Variants in MCFD2 observed in about 807,000 individuals in gnomAD.
The protein encoded by MCFD2 is multiple coagulation factor deficiency 2, ER cargo receptor complex subunit.
In MCFD2, 11 loss-of-function variants were observed where a neutral mutation model predicts 12.8. The observed-to-expected ratio is 0.86, with a 90% CI of 0.54 to 1.42. The LOEUF is 1.42. Among genes scored for constraint, MCFD2 ranks in the 40% most tolerant of loss-of-function variants. MCFD2 has a pLI of 0.00. For synonymous variants in MCFD2, 70 were observed against 68.1 expected (o/e 1.03, Z -0.14); for missense variants, 191 against 178.6 (o/e 1.07, Z -0.40).
chr2:46,936,212 C>T (rs1231019352), intron 1 of MCFD2, among the ~76,000 whole-genome samples: 1 of 152,152 alleles, frequency 6.6e-6, no homozygotes, highest in Non-Finnish European at 1.5e-5. Flanking sequence ...AAATCTTTTC[C>T]CCCTTGTGGA....
At chr2:46,911,940 C>G (rs1187055366) in intron 1 of MCFD2, among the ~76,000 whole-genome samples, 1 of 152,250 alleles carries the variant, frequency 6.6e-6, no homozygotes, top group East Asian at 1.9e-4. Context: ...TGTCCCAATA[C>G]TATATGGATC....
rs1670366309 is a variant in MCFD2 at position 46,941,454 on chromosome 2, C to T, written c.-8+118G>A. 3.5e-6 allele frequency: 5 copies of T among 1,414,640 alleles called. No individual in the cohort carries two copies. The highest frequency in any genetic ancestry group is 3.0e-5 in the African/African-American group (2 of 67,084). 87.6% of individuals were successfully genotyped at this position (1,414,640 alleles called of 1,614,324 possible). A position where few individuals can be genotyped will look rare whatever the true frequency, so the allele number is the denominator to read the frequency against. On this transcript the variant is annotated intron_variant, in intron 1 of 2. Transcript: ENST00000409147. The surrounding 1 kb of genome is among the most constrained non-coding windows in gnomAD (Gnocchi z 4.2). Reference sequence around the variant, plus strand: ...CTGCCGTCTGCGCCCCCGTCGACCCCGCCCGCGAGTGCGCCCCAGCCAGGA... The same window carrying T: ...CTGCCGTCTGCGCCCCCGTCGACCCTGCCCGCGAGTGCGCCCCAGCCAGGA...
rs1670051818 is a variant in MCFD2, at chr2:46,937,741, C to G, written c.-8+3831G>C. Among the ~76,000 whole-genome samples, 1 of 152,188 alleles carries G rather than the reference C, an allele frequency of 6.6e-6. No homozygotes were observed. Among genetic ancestry groups the G allele is most frequent in the African/African-American group, 2.4e-5 (1 of 41,436 alleles). On this transcript the variant is annotated intron_variant, in intron 1 of 2. Transcript: ENST00000409147. The surrounding 1 kb of genome is among the most constrained non-coding windows in gnomAD (Gnocchi z 4.0). ...GCACGAGCTGCCATGCCTGGCCCAA[C>G]AGTGATTTCAAAGGCCATGGATTGC...
rs1572610774 is a variant in MCFD2 at position 46,908,514 on chromosome 2, T to C, written c.149+509A>G. On this transcript the variant is annotated intron_variant, in intron 2 of 3. Coordinates refer to ENST00000319466, the MANE Select transcript of MCFD2 (RefSeq NM_139279.6). The surrounding 1 kb of genome is among the most constrained non-coding windows in gnomAD (Gnocchi z 4.5). ...CCTGGGCTCAAGTAATCCACCTGCCTCAGCCTCCCAAAGCACTGGGATTAC... is the reference window on the plus strand; with the variant it reads ...CCTGGGCTCAAGTAATCCACCTGCCCCAGCCTCCCAAAGCACTGGGATTAC... 7.7e-6 allele frequency: 2 copies of C among 258,560 alleles called. No homozygotes were observed. The highest frequency in any genetic ancestry group is 7.5e-6 in the Non-Finnish European group (1 of 132,810). The allele number at this position is 258,560 out of a possible 1,614,324, so 16.0% of individuals were successfully genotyped here. A position where few individuals can be genotyped will look rare whatever the true frequency, so the allele number is the denominator to read the frequency against.
At chr2:46,923,291 G>A (rs996289137) in intron 1 of MCFD2, among the ~76,000 whole-genome samples, 3 of 152,036 alleles carry the variant, frequency 2.0e-5, no homozygotes, top group Non-Finnish European at 2.9e-5. Flanking sequence ...CCTGGAGGTT[G>A]GAGGTGGGGC....
Position 46,908,807 on chromosome 2 carries a change from C to T in MCFD2, c.149+216G>A, listed in dbSNP as rs562866989. On this transcript the variant is annotated intron_variant, in intron 2 of 3. Coordinates refer to ENST00000319466, the MANE Select transcript of MCFD2 (RefSeq NM_139279.6). The surrounding 1 kb of genome is among the most constrained non-coding windows in gnomAD (Gnocchi z 4.5). ...AGACCGGATTCAGACAAGTAATGTG[C>T]CCCATTTGGGCCTAAAGATCTTCCA... The T allele has an allele frequency of 6.5e-6, 4 of 618,092 alleles. No homozygotes were observed. Among genetic ancestry groups the T allele is most frequent in the African/African-American group, 3.7e-5 (2 of 54,350 alleles). 38.3% of individuals were successfully genotyped at this position (618,092 alleles called of 1,614,324 possible). A position where few individuals can be genotyped will look rare whatever the true frequency, so the allele number is the denominator to read the frequency against.
intron 1 of MCFD2, among the ~76,000 whole-genome samples, chr2:46,925,773 G>A (rs548015771): frequency 1.3e-5 from 2 of 152,218 alleles, no homozygotes; most frequent in Admixed American, 6.5e-5. Flanking sequence ...GTTAACCCCC[G>A]TTGAAAGGGA....
intron 1 of MCFD2, among the ~76,000 whole-genome samples, chr2:46,927,898 T>G (rs1246561652): frequency 2.3e-5 from 3 of 132,908 alleles, no homozygotes; most frequent in Admixed American, 7.5e-5. Context: ...TTTTTTTTTT[T>G]TTTTTTTTTT....
chr2:46,928,496 GTGT>G (rs1669524159), intron 1 of MCFD2, among the ~76,000 whole-genome samples: 1 of 148,898 alleles, frequency 6.7e-6, no homozygotes, highest in Non-Finnish European at 1.5e-5. Context: ...CTTGGGCCAT[GTGT>G]GGTGGCTCAC....
chr2:46,909,154 C>T lies in MCFD2; in HGVS notation c.18G>A (p.Leu6=). The change falls in exon 2 of 4, where the codon CTG becomes CTA. Residue 6 remains leucine (L), a synonymous_variant. Coordinates refer to ENST00000319466, the MANE Select transcript of MCFD2 (RefSeq NM_139279.6). MTMRS[L]LRTPFLCGLL... ...GGCCACACAGGAAGGGGGTTCTGAG[C>T]AGGGATCTCATGGTCATCAATATCT... The T allele has an allele frequency of 6.2e-7, 1 of 1,614,056 alleles. No individual in the cohort carries two copies. Among genetic ancestry groups the T allele is most frequent in the South Asian group, 1.1e-5 (1 of 91,066 alleles).
At chr2:46,919,580 C>T (rs1408983472), upstream of MCFD2, among the ~76,000 whole-genome samples, 3 of 152,218 alleles carry the variant, frequency 2.0e-5, no homozygotes, top group African/African-American at 4.8e-5. Flanking sequence ...GATTACTATA[C>T]ATGAAATTGA....
At chr2:46,917,035 G>T, upstream of MCFD2, 1 of 578,908 alleles carries the variant, frequency 1.7e-6, no homozygotes, top group Non-Finnish European at 3.1e-6. Context: ...CAAAGAAAGT[G>T]GCTAAGTAGT....
At chr2:46,919,410 G>A (rs1668984263), upstream of MCFD2, among the ~76,000 whole-genome samples, 1 of 152,142 alleles carries the variant, frequency 6.6e-6, no homozygotes, top group Non-Finnish European at 1.5e-5. Context: ...ACGCATGCTT[G>A]TAATCCCAGA....
intron 1 of MCFD2, among the ~76,000 whole-genome samples, chr2:46,915,126 T>A (rs1304643381): frequency 6.6e-6 from 1 of 152,074 alleles, no homozygotes; most frequent in Non-Finnish European, 1.5e-5. Flanking sequence ...ACCGAGGTAG[T>A]CCAGAGAAGA....
rs1668107390 is a variant in MCFD2, at chr2:46,903,831, C to T, written c.*1632G>A. On this transcript the variant is annotated 3_prime_UTR_variant, in exon 4 of 4. Coordinates refer to ENST00000319466, the MANE Select transcript of MCFD2 (RefSeq NM_139279.6). ...TTTGGAAATTTGCAGCCTGACTATG[C>T]AATAGAAAAGAAAAACCCATTTTCT... 6.6e-6 allele frequency: 1 copy of T among 152,104 alleles called. No individual in the cohort carries two copies. The highest frequency in any genetic ancestry group is 1.5e-5 in the Non-Finnish European group (1 of 68,004). 9.4% of individuals were successfully genotyped at this position (152,104 alleles called of 1,614,324 possible).
chr2:46,922,968 C>T (rs990369983), intron 1 of MCFD2, among the ~76,000 whole-genome samples: 1 of 152,208 alleles, frequency 6.6e-6, no homozygotes, highest in African/African-American at 2.4e-5. Flanking sequence ...CCAAGACCCC[C>T]TCTTTATTAC....
At position 46,905,339 on chromosome 2, in the gene MCFD2, G is replaced by A. The variant is rs1375016527; in HGVS notation, c.*124C>T. On this transcript the variant is annotated 3_prime_UTR_variant, in exon 4 of 4. Transcript: ENST00000319466. ...TCTTCTCACCCCAGTGTAACGAATC[G>A]CTACAGGTTTTTACCAAAATGCTGC... 15 of 1,041,660 alleles carry A rather than the reference G, an allele frequency of 1.4e-5. 1 individual carries two copies. Among genetic ancestry groups the A allele is most frequent in the South Asian group, 1.1e-4 (9 of 78,518 alleles). The allele number at this position is 1,041,660 out of a possible 1,614,324, so 64.5% of individuals were successfully genotyped here. A position where few individuals can be genotyped will look rare whatever the true frequency, so the allele number is the denominator to read the frequency against.
At chr2:46,920,497 T>C (rs1273271020), upstream of MCFD2, among the ~76,000 whole-genome samples, 1 of 151,802 alleles carries the variant, frequency 6.6e-6, no homozygotes, top group East Asian at 1.9e-4. Flanking sequence ...GCCCAGCTAA[T>C]TTTTTGTATT....
intron 1 of MCFD2, among the ~76,000 whole-genome samples, chr2:46,939,147 A>G (rs376956701): frequency 4.6e-5 from 7 of 152,180 alleles, no homozygotes; most frequent in African/African-American, 1.7e-4. Context: ...ATAGTAAAAT[A>G]AAGTAAAAAT....
Sources: gnomAD v4.1 joint callset for allele counts (sites outside exome capture counted in the v4.1 genomes callset) on GRCh38, gnomAD v4.1.1 for gene constraint, Gnocchi (gnomAD v3.1) non-coding constraint, MANE v1.5 for transcripts, NCBI Gene and HGNC (gene_info 2026-07-23, HGNC 2026-07-21) for gene names.